BCHE: variants seen among roughly 807,000 people sequenced by gnomAD.
BCHE encodes butyrylcholinesterase.
A neutral mutation model predicts 51.3 loss-of-function variants in BCHE; 48 were observed. The observed-to-expected ratio is 0.94, with a 90% CI of 0.74 to 1.19. The LOEUF (loss-of-function observed/expected upper bound fraction) is 1.19, where lower values mean the gene tolerates loss of function less well. Among genes scored for constraint, BCHE ranks in the 50% most tolerant of loss-of-function variants. The pLI, the probability that BCHE is intolerant of heterozygous loss-of-function variation, is 0.00. For missense variants in BCHE, 847 were observed against 708.2 expected (o/e 1.20, Z -2.23); for synonymous variants, 251 against 238.0 (o/e 1.05, Z -0.50).
chr3:165,823,621 A>G (rs2108230169), intron 2 of BCHE, among the ~76,000 whole-genome samples: 2 of 152,290 alleles, frequency 1.3e-5, no homozygotes, highest in East Asian at 3.9e-4. Context: ...GAAGTATTAT[A>G]TTTATAATAA....
chr3:165,816,852 G>A (rs979662541), intron 2 of BCHE, among the ~76,000 whole-genome samples: 8 of 151,754 alleles, frequency 5.3e-5, no homozygotes, highest in South Asian at 2.1e-4. Context: ...TAAAACCTCC[G>A]TAAGTGAAAT....
intron 3 of BCHE, among the ~76,000 whole-genome samples, chr3:165,775,632 T>C (rs9840730): frequency 0.081 from 12,311 of 151,774 alleles, 784 homozygotes; most frequent in African/African-American, 0.17. Flanking sequence ...CCTTTTTTAT[T>C]CATGGAATAA....
At chr3:165,774,657 C>A (rs562936027) in intron 3 of BCHE, among the ~76,000 whole-genome samples, 1 of 152,124 alleles carries the variant, frequency 6.6e-6, no homozygotes, top group South Asian at 2.1e-4. Flanking sequence ...TAATGGGAAA[C>A]AACATTAAGT....
At chr3:165,803,490 A>C (rs866037665) in intron 2 of BCHE, among the ~76,000 whole-genome samples, 1 of 152,238 alleles carries the variant, frequency 6.6e-6, no homozygotes, top group African/African-American at 2.4e-5. Context: ...GTCACACTTA[A>C]TACATTTATT....
At chr3:165,793,443 G>C (rs1197849533) in intron 2 of BCHE, among the ~76,000 whole-genome samples, 1 of 152,006 alleles carries the variant, frequency 6.6e-6, no homozygotes, top group African/African-American at 2.4e-5. Flanking sequence ...TTTCTCATGA[G>C]AGGGTAAGTC....
chr3:165,790,203 G>A (rs537406717), intron 2 of BCHE, among the ~76,000 whole-genome samples: 1 of 152,216 alleles, frequency 6.6e-6, no homozygotes, highest in East Asian at 1.9e-4. Flanking sequence ...CCATGGAGGG[G>A]AAGGAGCTGA....
intron 2 of BCHE, among the ~76,000 whole-genome samples, chr3:165,794,528 G>A (rs1713295603): frequency 1.3e-5 from 2 of 152,166 alleles, no homozygotes; most frequent in Admixed American, 1.3e-4. Flanking sequence ...TTCATAGACA[G>A]CAGTCTTTTT....
chr3:165,820,556 TC>T (rs1302606058), intron 2 of BCHE, among the ~76,000 whole-genome samples: 1 of 152,040 alleles, frequency 6.6e-6, no homozygotes, highest in Admixed American at 6.6e-5. Flanking sequence ...AAGCCCTGAT[TC>T]TTTTTTAAAG....
intron 2 of BCHE, among the ~76,000 whole-genome samples, chr3:165,819,051 C>T (rs1240312393): frequency 2.0e-5 from 3 of 147,818 alleles, no homozygotes; most frequent in South Asian, 2.1e-4. Flanking sequence ...TTCTTAAGTA[C>T]TGTGTGTTTA....
intron 2 of BCHE, among the ~76,000 whole-genome samples, chr3:165,824,857 A>G (rs968147572): frequency 8.6e-5 from 13 of 151,986 alleles, no homozygotes; most frequent in Non-Finnish European, 1.6e-4. Context: ...ATAAAAGGAA[A>G]GGTATACCAT....
intron 2 of BCHE, among the ~76,000 whole-genome samples, chr3:165,790,788 A>G (rs1320796441): frequency 2.6e-5 from 4 of 151,960 alleles, no homozygotes; most frequent in Non-Finnish European, 5.9e-5. Context: ...GAAGGGATGG[A>G]AAACAAAGAT....
intron 3 of BCHE, among the ~76,000 whole-genome samples, chr3:165,783,792 T>G (rs1712805074): frequency 6.6e-6 from 1 of 152,046 alleles, no homozygotes; most frequent in African/African-American, 2.4e-5. Context: ...ATAGTTATGA[T>G]ATTGTAATAT....
chr3:165,787,041 C>T (rs1419623091), intron 2 of BCHE, among the ~76,000 whole-genome samples: 2 of 151,706 alleles, frequency 1.3e-5, no homozygotes, highest in Non-Finnish European at 3.0e-5. Context: ...CTTCTCTTTG[C>T]TCTAGCTGTT....
chr3:165,829,409 T>C, intron 2 of BCHE, 108 bp downstream of exon 2: 1 of 1,012,624 alleles, frequency 9.9e-7, no homozygotes, highest in East Asian at 2.5e-5. Flanking sequence ...GAACAAATAA[T>C]TAAAACATTT....
chr3:165,799,296 A>G (rs1474422176), intron 2 of BCHE, among the ~76,000 whole-genome samples: 1 of 151,996 alleles, frequency 6.6e-6, no homozygotes, highest in Non-Finnish European at 1.5e-5. Flanking sequence ...GCTGTATGTT[A>G]TTTTAGTTTA....
At chr3:165,790,642 G>A (rs906750844) in intron 2 of BCHE, among the ~76,000 whole-genome samples, 1 of 152,124 alleles carries the variant, frequency 6.6e-6, no homozygotes, top group Non-Finnish European at 1.5e-5. Context: ...GACCAATTTC[G>A]AAGACTGGAA....
intron 2 of BCHE, among the ~76,000 whole-genome samples, chr3:165,797,524 A>G (rs1476013442): frequency 6.6e-6 from 1 of 151,698 alleles, no homozygotes; most frequent in Non-Finnish European, 1.5e-5. Flanking sequence ...ATGCGATCAT[A>G]CGAATCCCAG....
In BCHE at chr3:165,829,518, C is replaced by T; in HGVS notation, c.1516G>A (p.Gly506Arg). ...ACAATGACAAAAATCAGCACTTACC[C>T]ATATTTTGCAAAATTTGCCCACCGT... Reference protein sequence around the residue: ...VKRWANFAKYGNPNETQNNST... With the variant: ...VKRWANFAKYRNPNETQNNST... Residue 506 changes from glycine (G) to arginine (R), a missense_variant and splice_region_variant, in exon 2 of 4, where the codon GGG (glycine) becomes AGG (arginine). Transcript: ENST00000264381. 6.2e-7 allele frequency: 1 copy of T among 1,612,892 alleles called. No individual in the cohort carries two copies. Among genetic ancestry groups the T allele is most frequent in the Non-Finnish European group, 8.5e-7 (1 of 1,179,086 alleles).
chr3:165,825,474 T>C (rs1302685915), intron 2 of BCHE, among the ~76,000 whole-genome samples: 1 of 151,628 alleles, frequency 6.6e-6, no homozygotes, highest in African/African-American at 2.4e-5. Context: ...TAAGCTGAGA[T>C]TCATTGAAAT....
Sources: gnomAD v4.1 joint callset for allele counts (sites outside exome capture counted in the v4.1 genomes callset) on GRCh38, gnomAD v4.1.1 for gene constraint, MANE v1.5 for transcripts, NCBI Gene and HGNC (gene_info 2026-07-23, HGNC 2026-07-21) for gene names.